RFC3: variants seen among roughly 807,000 people sequenced by gnomAD.
RFC3 encodes A1 38 kDa subunit.
Under a neutral mutation model 45.1 loss-of-function variants are expected in RFC3, and 41 were observed. The observed-to-expected ratio is 0.91, with a 90% CI of 0.71 to 1.18. The LOEUF is 1.18. RFC3 is among the 50% of genes most tolerant of loss of function. RFC3 has a pLI of 0.00. For missense variants in RFC3, 423 were observed against 428.1 expected (o/e 0.99, Z 0.10); for synonymous variants, 149 against 144.0 (o/e 1.03, Z -0.25).
chr13:33,951,119 G>T (rs1033876778), intron 8 of RFC3, among the ~76,000 whole-genome samples: 2 of 134,948 alleles, frequency 1.5e-5, no homozygotes, highest in African/African-American at 2.8e-5. Context: ...ATCACTCTCT[G>T]GTTTTCTTTT....
intron 8 of RFC3, among the ~76,000 whole-genome samples, chr13:33,888,356 T>C (rs2082540309): frequency 6.6e-6 from 1 of 152,218 alleles, no homozygotes; most frequent in Admixed American, 6.5e-5. Context: ...ATGGTGCCTC[T>C]TCTGGGAAGT....
chr13:33,925,040 AG>A (rs2082794995), intron 8 of RFC3, among the ~76,000 whole-genome samples: 1 of 149,644 alleles, frequency 6.7e-6, no homozygotes, highest in East Asian at 2.0e-4. Context: ...ACATATATAT[AG>A]TGTACATATA....
chr13:33,926,669 C>T (rs2082815746), intron 8 of RFC3, among the ~76,000 whole-genome samples: 1 of 151,684 alleles, frequency 6.6e-6, no homozygotes. Context: ...TACCCTCATT[C>T]TTAATTTTGT....
intron 8 of RFC3, among the ~76,000 whole-genome samples, chr13:33,954,334 T>C (rs576032703): frequency 9.8e-5 from 15 of 152,316 alleles, no homozygotes; most frequent in African/African-American, 3.1e-4. Flanking sequence ...TTTGTCATTT[T>C]GAGAACATAG....
chr13:33,898,491 T>C (rs964433263), intron 8 of RFC3, among the ~76,000 whole-genome samples: 6 of 151,872 alleles, frequency 4.0e-5, no homozygotes, highest in African/African-American at 1.4e-4. Flanking sequence ...CCAAAATCTA[T>C]GGGATACCGA....
In RFC3 at chr13:33,821,229, T is replaced by C. The variant is rs148474405; in HGVS notation, c.185T>C (p.Val62Ala). 69 of 1,613,706 alleles carry C rather than the reference T, an allele frequency of 4.3e-5. No individual in the cohort carries two copies. In the South Asian group the frequency reaches 6.9e-4, roughly 16 times the overall value. Residue 62 changes from valine (V) to alanine (A), a missense_variant, in exon 2 of 9, where the codon GTT becomes GCT. Coordinates refer to ENST00000380071, the MANE Select transcript of RFC3 (RefSeq NM_002915.4). ...IMCILRELYG[V>A]GVEKLRIEHQ... ...TGTATTCTACGTGAACTTTATGGTG[T>C]TGGAGTGGAAAAATTGAGAATTGAA... is the stretch of plus-strand genomic sequence containing the variant.
intron 8 of RFC3, among the ~76,000 whole-genome samples, chr13:33,886,558 A>C (rs1335923961): frequency 6.7e-6 from 1 of 148,898 alleles, no homozygotes; most frequent in East Asian, 1.9e-4. Flanking sequence ...AAAAAAAAGA[A>C]AAAAAACCCA....
intron 8 of RFC3, among the ~76,000 whole-genome samples, chr13:33,898,109 T>G (rs577442217): frequency 4.6e-5 from 7 of 151,982 alleles, no homozygotes; most frequent in African/African-American, 1.7e-4. Context: ...AGACAAAACG[T>G]TTTTAAAAAC....
chr13:33,971,993 T>A, the RFC3 span, among the ~76,000 whole-genome samples: 1 of 152,086 alleles, frequency 6.6e-6, no homozygotes, highest in African/African-American at 2.4e-5. Context: ...CGTGCACCTG[T>A]AGTCCTAGCT....
At chr13:33,944,528 G>A (rs2082943680) in intron 8 of RFC3, among the ~76,000 whole-genome samples, 1 of 152,138 alleles carries the variant, frequency 6.6e-6, no homozygotes, top group South Asian at 2.1e-4. Context: ...TGTTGGTTAT[G>A]TGGTTCATTT....
At position 33,821,326 on chromosome 13, in the gene RFC3, G is replaced by A. The variant is rs545870791; in HGVS notation, c.225+57G>A. ...ATTTATAGCGGGGACTTTCAGTCTTGGTCATGTATGTCCCCCCAACTCAGT... is the reference window on the plus strand; with the variant it reads ...ATTTATAGCGGGGACTTTCAGTCTTAGTCATGTATGTCCCCCCAACTCAGT... On this transcript the variant is annotated intron_variant, in intron 2 of 8. Coordinates refer to ENST00000380071, the MANE Select transcript of RFC3 (RefSeq NM_002915.4). The A allele has an allele frequency of 2.7e-5, 42 of 1,533,566 alleles. No homozygotes were observed. The African/African-American group carries it at 5.0e-4, about 18-fold the overall frequency. The allele number at this position is 1,533,566 out of a possible 1,614,324, so 95.0% of individuals were successfully genotyped here.
At chr13:33,871,037 C>G (rs1340346405) in intron 8 of RFC3, among the ~76,000 whole-genome samples, 1 of 152,144 alleles carries the variant, frequency 6.6e-6, no homozygotes, top group African/African-American at 2.4e-5. Context: ...TAGTGGAGCC[C>G]TCTGGTATAT....
intron 4 of RFC3, among the ~76,000 whole-genome samples, chr13:33,826,866 A>G (rs1222507477): frequency 2.0e-5 from 3 of 152,088 alleles, no homozygotes; most frequent in African/African-American, 7.2e-5. Context: ...AGTGTGGTTA[A>G]TAGTAATAGA....
At chr13:33,926,096 A>G (rs2082810524) in intron 8 of RFC3, among the ~76,000 whole-genome samples, 1 of 151,348 alleles carries the variant, frequency 6.6e-6, no homozygotes, top group Non-Finnish European at 1.5e-5. Context: ...TTCTCAGTAA[A>G]CTATCACAGG....
intron 8 of RFC3, among the ~76,000 whole-genome samples, chr13:33,954,031 A>T (rs2083006151): frequency 2.0e-5 from 3 of 152,214 alleles, no homozygotes. Context: ...TTTTAAAGGA[A>T]TGTCAAGTAT....
intron 1 of RFC3, among the ~76,000 whole-genome samples, chr13:33,818,867 C>T (rs1011880983): frequency 6.8e-6 from 1 of 148,028 alleles, no homozygotes; most frequent in South Asian, 2.1e-4. Flanking sequence ...TGTATTAGGA[C>T]GTTCCTGAGA....
intron 8 of RFC3, among the ~76,000 whole-genome samples, chr13:33,875,982 C>T (rs1461091071): frequency 6.6e-6 from 1 of 152,128 alleles, no homozygotes; most frequent in East Asian, 1.9e-4. Flanking sequence ...GTATGTGTTT[C>T]ATAAATGTTA....
intron 8 of RFC3, among the ~76,000 whole-genome samples, chr13:33,927,382 G>T (rs2082820697): frequency 6.6e-6 from 1 of 152,054 alleles, no homozygotes; most frequent in Non-Finnish European, 1.5e-5. Context: ...CATTGGTTCT[G>T]GTGATGTCTT....
At chr13:33,905,917 A>G (rs1215714041) in intron 8 of RFC3, among the ~76,000 whole-genome samples, 2 of 152,136 alleles carry the variant, frequency 1.3e-5, no homozygotes, top group South Asian at 2.1e-4. Flanking sequence ...TTAAAGGCAT[A>G]TTGATACTAC....
Sources: gnomAD v4.1 joint callset for allele counts (sites outside exome capture counted in the v4.1 genomes callset) on GRCh38, gnomAD v4.1.1 for gene constraint, MANE v1.5 for transcripts, NCBI Gene and HGNC (gene_info 2026-07-23, HGNC 2026-07-21) for gene names.